SHROOM3: variants seen among roughly 807,000 people sequenced by gnomAD.
SHROOM3 encodes the protein shroom family member 3.
SHROOM3 carries 47 observed loss-of-function variants against 138.6 expected under a neutral mutation model. The observed-to-expected ratio is 0.34, with a 90% CI of 0.27 to 0.43. The LOEUF is 0.43. Among genes scored for constraint, SHROOM3 ranks in the 20% least tolerant of loss-of-function variants. The pLI, the probability that SHROOM3 is intolerant of heterozygous loss-of-function variation, is 1.00. For synonymous variants in SHROOM3, 1,062 were observed against 1,063.3 expected, an observed-to-expected ratio of 1.00 and a Z score of 0.02; for missense variants, 2,491 against 2,596.5, an observed-to-expected ratio of 0.96 and a Z score of 0.88.
chr4:76,480,681 ATTC>A (rs533866426), intron 1 of SHROOM3, among the ~76,000 whole-genome samples: 3 of 152,214 alleles, frequency 2.0e-5, no homozygotes. Context: ...CAGAATATAC[ATTC>A]TTCTCGCACC....
intron 1 of SHROOM3, among the ~76,000 whole-genome samples, chr4:76,523,761 G>A (rs1277091052): frequency 6.6e-6 from 1 of 152,166 alleles, no homozygotes; most frequent in African/African-American, 2.4e-5. Context: ...AGCAGTGACA[G>A]CCGGTTGAAC....
intron 1 of SHROOM3, among the ~76,000 whole-genome samples, chr4:76,484,608 CAAAA>C (rs757845708): frequency 0.049 from 5,323 of 109,072 alleles, 115 homozygotes; most frequent in Middle Eastern, 0.12. Context: ...AACAAACAAA[CAAAA>C]AGTCTTAGGA....
chr4:76,558,002 A>G (rs1733522586), intron 2 of SHROOM3, among the ~76,000 whole-genome samples: 1 of 151,934 alleles, frequency 6.6e-6, no homozygotes. Context: ...AAGGTTTTGA[A>G]CTCACCTTGG....
At chr4:76,607,169 C>T (rs575692635) in intron 2 of SHROOM3, among the ~76,000 whole-genome samples, 1 of 150,982 alleles carries the variant, frequency 6.6e-6, no homozygotes, top group Admixed American at 6.6e-5. Context: ...TGCAACATCT[C>T]AAAATCTGAT....
At chr4:76,540,215 T>A (rs1483066287) in intron 1 of SHROOM3, among the ~76,000 whole-genome samples, 3 of 152,218 alleles carry the variant, frequency 2.0e-5, no homozygotes, top group Non-Finnish European at 4.4e-5. Flanking sequence ...AGAACACTAT[T>A]GTTATCTTCA....
intron 2 of SHROOM3, among the ~76,000 whole-genome samples, chr4:76,655,429 A>G (rs1736044276): frequency 6.6e-6 from 1 of 152,232 alleles, no homozygotes; most frequent in Admixed American, 6.5e-5. Context: ...CTTCAGTCCT[A>G]TTGTCATTTC....
chr4:76,749,099 A>G lies in SHROOM3; in HGVS notation c.3827+9A>G, dbSNP rs1301449577. On this transcript the variant is annotated intron_variant, in intron 6 of 10. Coordinates refer to ENST00000296043, the MANE Select transcript of SHROOM3 (RefSeq NM_020859.4). ...GCTGGTCCTGGATCTAGGTATGTACATGTACTTATGATGCTCTCTGCATAT... is the reference window on the plus strand; with the variant it reads ...GCTGGTCCTGGATCTAGGTATGTACGTGTACTTATGATGCTCTCTGCATAT... 22 of 1,611,590 alleles carry G rather than the reference A, an allele frequency of 1.4e-5. No individual in the cohort carries two copies. Among genetic ancestry groups the G allele is most frequent in the Non-Finnish European group, 1.5e-5 (18 of 1,177,850 alleles).
At chr4:76,629,529 AG>A (rs576405762) in intron 2 of SHROOM3, among the ~76,000 whole-genome samples, 364 of 152,310 alleles carry the variant, frequency 2.4e-3, no homozygotes, top group Non-Finnish European at 4.1e-3. Flanking sequence ...TGAAGACTGG[AG>A]GTGAGCAGAT....
intron 2 of SHROOM3, among the ~76,000 whole-genome samples, chr4:76,666,200 T>C (rs1718689824): frequency 1.3e-5 from 2 of 152,236 alleles, no homozygotes; most frequent in Non-Finnish European, 1.5e-5. Context: ...AGTCCAGTGA[T>C]ACCCCAGTGT....
At chr4:76,658,672 G>A (rs1317996344) in intron 2 of SHROOM3, among the ~76,000 whole-genome samples, 1 of 150,408 alleles carries the variant, frequency 6.6e-6, no homozygotes, top group Admixed American at 6.7e-5. Context: ...ATGTGTGTAT[G>A]TGTGTGTGTG....
intron 9 of SHROOM3, among the ~76,000 whole-genome samples, chr4:76,760,505 T>TA (rs1721955076): frequency 6.6e-6 from 1 of 152,228 alleles, no homozygotes; most frequent in Non-Finnish European, 1.5e-5. Flanking sequence ...GTAAGTGGTT[T>TA]TCAGTGATCC....
chr4:76,745,240 T>C (rs1461857190), intron 5 of SHROOM3, among the ~76,000 whole-genome samples: 1 of 152,246 alleles, frequency 6.6e-6, no homozygotes, highest in African/African-American at 2.4e-5. Flanking sequence ...TATAGAAAGA[T>C]AGCCAACATT....
intron 1 of SHROOM3, among the ~76,000 whole-genome samples, chr4:76,458,797 C>T (rs980153993): frequency 3.3e-5 from 5 of 152,092 alleles, no homozygotes; most frequent in African/African-American, 1.2e-4. Context: ...GAAAGTACAA[C>T]GTTGGAAGTG....
At chr4:76,641,809 T>C (rs1735676998) in intron 2 of SHROOM3, among the ~76,000 whole-genome samples, 1 of 152,206 alleles carries the variant, frequency 6.6e-6, no homozygotes, top group South Asian at 2.1e-4. Context: ...ATTAGATTAC[T>C]GTCCCCGACC....
intron 2 of SHROOM3, chr4:76,689,024 A>T (rs2110106677): frequency 1.3e-6 from 1 of 784,842 alleles, no homozygotes; most frequent in East Asian, 1.3e-4. Flanking sequence ...CATTTGATCA[A>T]TTACTAACTG....
At position 76,780,829 on chromosome 4, in the gene SHROOM3, C is replaced by A. The variant is rs1354593900; in HGVS notation, c.*1652C>A. ...TGTTTTCATTCAGAGGTCCTGTCTCCCAGGAAAGCAGTAGAACCAGTGACA... is the reference window on the plus strand; with the variant it reads ...TGTTTTCATTCAGAGGTCCTGTCTCACAGGAAAGCAGTAGAACCAGTGACA... On this transcript the variant is annotated 3_prime_UTR_variant, in exon 11 of 11. Transcript: ENST00000296043. 1 of 152,174 alleles carries A rather than the reference C, an allele frequency of 6.6e-6. No homozygotes were observed. Among genetic ancestry groups the A allele is most frequent in the Non-Finnish European group, 1.5e-5 (1 of 68,064 alleles). 9.4% of individuals were successfully genotyped at this position (152,174 alleles called of 1,614,324 possible).
At chr4:76,617,540 C>T (rs1734908975) in intron 2 of SHROOM3, among the ~76,000 whole-genome samples, 1 of 152,182 alleles carries the variant, frequency 6.6e-6, no homozygotes, top group Admixed American at 6.5e-5. Flanking sequence ...AGGAAATTTA[C>T]TTTTGACCAC....
At chr4:76,564,724 T>C (rs1321634206) in intron 2 of SHROOM3, among the ~76,000 whole-genome samples, 1 of 152,216 alleles carries the variant, frequency 6.6e-6, no homozygotes, top group African/African-American at 2.4e-5. Flanking sequence ...CAAAGGAATG[T>C]TCTATTGTTC....
At chr4:76,547,034 C>T (rs370918381) in intron 1 of SHROOM3, among the ~76,000 whole-genome samples, 3 of 152,206 alleles carry the variant, frequency 2.0e-5, no homozygotes, top group Admixed American at 1.3e-4. Context: ...CCTGCTCCAC[C>T]GGCAGTGCGT....
Sources: gnomAD v4.1 joint callset for allele counts (sites outside exome capture counted in the v4.1 genomes callset) on GRCh38, gnomAD v4.1.1 for gene constraint, MANE v1.5 for transcripts, NCBI Gene and HGNC (gene_info 2026-07-23, HGNC 2026-07-21) for gene names.